Variants in SLC18B1 observed in about 807,000 individuals in gnomAD.
SLC18B1 encodes the protein solute carrier family 18 member B1.
A neutral mutation model predicts 53.9 loss-of-function variants in SLC18B1; 62 were observed. That is an observed-to-expected ratio of 1.15 (90% CI 0.94 to 1.42). SLC18B1 has a LOEUF of 1.42. SLC18B1 is among the 40% of genes most tolerant of loss of function. The pLI, the probability that SLC18B1 is intolerant of heterozygous loss-of-function variation, is 0.00. For missense variants in SLC18B1, 598 were observed against 547.3 expected, an observed-to-expected ratio of 1.09 and a Z score of -0.93; for synonymous variants, 217 against 200.9, an observed-to-expected ratio of 1.08 and a Z score of -0.68.
intron 1 of SLC18B1, 118 bp from the exon 2 acceptor site, chr6:132,797,239 C>T: frequency 1.6e-6 from 2 of 1,269,778 alleles, no homozygotes; most frequent in South Asian, 1.4e-5. Context: ...AAGCTTAGGG[C>T]TATTTTGAAT....
chr6:132,784,003 C>T lies in SLC18B1; in HGVS notation c.588G>A (p.Val196=), dbSNP rs1781304592. The T allele has an allele frequency of 6.2e-7, 1 of 1,610,904 alleles. No individual in the cohort carries two copies. The highest frequency in any genetic ancestry group is 1.3e-5 in the African/African-American group (1 of 74,682). Residue 196 remains valine, a synonymous_variant, in exon 6 of 14, where the codon GTG becomes GTA. Coordinates refer to ENST00000275227, the MANE Select transcript of SLC18B1 (RefSeq NM_052831.3). The part of the protein sequence containing the change: ...GFLYQSFGYE[V]PFIVLGCVVL... ...CGACGCATCCCAGAACAATAAAAGGCACTTCATAGCCAAAGGATTGATACA... is the reference window on the plus strand; with the variant it reads ...CGACGCATCCCAGAACAATAAAAGGTACTTCATAGCCAAAGGATTGATACA...
Position 132,770,205 on chromosome 6 carries a change from T to C in SLC18B1, c.*65A>G. ...CGCGTAAAATTTTAAAAACCCTTCC[T>C]ACGGTGATGTTTAAGGCCAGGAGCA... On this transcript the variant is annotated 3_prime_UTR_variant, in exon 14 of 14. Coordinates refer to ENST00000275227, the MANE Select transcript of SLC18B1 (RefSeq NM_052831.3). 1.5e-6 allele frequency: 2 copies of C among 1,376,222 alleles called. No homozygotes were observed. The highest frequency in any genetic ancestry group is 1.2e-5 in the South Asian group (1 of 83,658). The allele number at this position is 1,376,222 out of a possible 1,614,324, so 85.3% of individuals were successfully genotyped here.
chr6:132,774,937 A>C (rs1422507923), intron 8 of SLC18B1, among the ~76,000 whole-genome samples: 3 of 152,104 alleles, frequency 2.0e-5, no homozygotes, highest in South Asian at 2.1e-4. Flanking sequence ...CACAAAAAAA[A>C]CCCACCAAGT....
intron 4 of SLC18B1, 139 bp from the exon 5 acceptor site, chr6:132,787,720 A>G: frequency 1.4e-6 from 1 of 722,128 alleles, no homozygotes; most frequent in Non-Finnish European, 2.0e-6. Context: ...GATTTTTTTA[A>G]AAGAGTTGCT....
intron 7 of SLC18B1, among the ~76,000 whole-genome samples, chr6:132,777,060 A>G (rs113678285): frequency 0.024 from 3,717 of 152,250 alleles, 141 homozygotes; most frequent in African/African-American, 0.082. Flanking sequence ...TCTCTACTAA[A>G]AAACACAAAA....
rs1780952311 is a variant in SLC18B1, at chr6:132,770,913, T to G, written c.1281A>C (p.Leu427=). ...ISGLAMGLFY[L]LEYSRRKRSK... is the part of the protein sequence containing the mutation. ...ACCTTTTTCTCCTTGAATACTCCAGTAGATAAAACAAGCCCATGGCTAATC... is the reference window on the plus strand; with the variant it reads ...ACCTTTTTCTCCTTGAATACTCCAGGAGATAAAACAAGCCCATGGCTAATC... The change falls in exon 13 of 14, where the codon CTA becomes CTC. Residue 427 remains leucine, a synonymous_variant. Coordinates refer to ENST00000275227, the MANE Select transcript of SLC18B1 (RefSeq NM_052831.3). The G allele has an allele frequency of 6.2e-7, 1 of 1,612,310 alleles. No individual in the cohort carries two copies. Among genetic ancestry groups the G allele is most frequent in the Non-Finnish European group, 8.5e-7 (1 of 1,179,572 alleles).
chr6:132,784,953 T>G (rs1458904849), intron 5 of SLC18B1, among the ~76,000 whole-genome samples: 1 of 151,644 alleles, frequency 6.6e-6, no homozygotes, highest in Non-Finnish European at 1.5e-5. Context: ...TCATTGTTGG[T>G]GTAACCAGTG....
chr6:132,792,280 A>AAAGAAAGAAAGAAGG (rs1554223267), intron 2 of SLC18B1, among the ~76,000 whole-genome samples: 1 of 42,674 alleles, frequency 2.3e-5, no homozygotes, highest in African/African-American at 1.3e-4. Context: ...AGAAAGAAAG[A>AAAGAAAGAAAGAAGG]AAGGAAGAAA....
chr6:132,791,700 C>T (rs1001488253), intron 2 of SLC18B1, among the ~76,000 whole-genome samples: 5 of 152,134 alleles, frequency 3.3e-5, no homozygotes, highest in Non-Finnish European at 4.4e-5. Context: ...GGCTTGGGCA[C>T]GATTTAAGCC....
chr6:132,792,266 A>G (rs901195046), intron 2 of SLC18B1, among the ~76,000 whole-genome samples: 2 of 47,076 alleles, frequency 4.2e-5, no homozygotes, highest in Non-Finnish European at 8.1e-5. Flanking sequence ...AAAGAAAGAA[A>G]GAAAGAAAGA....
Position 132,790,270 on chromosome 6 carries a change from A to G in SLC18B1, c.186T>C (p.Ala62=), listed in dbSNP as rs1217050206. ...SILGPFFPKE[A]EKKGASNTII... ...TTGTATTGCTGGCTCCCTTCTTTTC[A>G]GCCTTTAAGTAATAGAAACGGAAAC... The change falls in exon 3 of 14, where the codon GCT becomes GCC. Residue 62 remains alanine (A), a splice_region_variant and synonymous_variant. Coordinates refer to ENST00000275227, the MANE Select transcript of SLC18B1 (RefSeq NM_052831.3). The G allele has an allele frequency of 6.5e-7, 1 of 1,543,698 alleles. No individual in the cohort carries two copies. Among genetic ancestry groups the G allele is most frequent in the Non-Finnish European group, 8.7e-7 (1 of 1,144,116 alleles).
At chr6:132,772,448 C>T (rs1781001574) in intron 10 of SLC18B1, among the ~76,000 whole-genome samples, 1 of 152,074 alleles carries the variant, frequency 6.6e-6, no homozygotes, top group African/African-American at 2.4e-5. Context: ...AAGCATGGCT[C>T]ATTTGCATTA....
intron 7 of SLC18B1, among the ~76,000 whole-genome samples, chr6:132,777,658 G>A (rs1374106070): frequency 6.6e-6 from 1 of 152,204 alleles, no homozygotes; most frequent in Admixed American, 6.5e-5. Flanking sequence ...AGGTTGCAGT[G>A]AGCCGAGATC....
rs1780921801 is a variant in SLC18B1 at position 132,769,710 on chromosome 6, G to C, written c.*560C>G. 6.6e-6 allele frequency: 1 copy of C among 152,296 alleles called. No individual in the cohort carries two copies. The highest frequency in any genetic ancestry group is 2.4e-5 in the African/African-American group (1 of 41,466). The allele number at this position is 152,296 out of a possible 1,614,324, so 9.4% of individuals were successfully genotyped here. A position where few individuals can be genotyped will look rare whatever the true frequency, so the allele number is the denominator to read the frequency against. On this transcript the variant is annotated 3_prime_UTR_variant, in exon 14 of 14. Transcript: ENST00000275227. ...TTTTAGAAAAGCTTAAGGTCAGGGA[G>C]TGCTAGAGAGTTTCTGTATGGCAGG...
chr6:132,777,697 G>C (rs1197376951), intron 7 of SLC18B1, among the ~76,000 whole-genome samples: 1 of 152,212 alleles, frequency 6.6e-6, no homozygotes, highest in African/African-American at 2.4e-5. Flanking sequence ...CTGGGCAACA[G>C]AGCAAGGCTC....
At chr6:132,778,891 T>C (rs866441496) in intron 7 of SLC18B1, among the ~76,000 whole-genome samples, 3 of 152,212 alleles carry the variant, frequency 2.0e-5, no homozygotes, top group South Asian at 4.1e-4. Flanking sequence ...GGATCTGTTA[T>C]AGAAGAAGCA....
At chr6:132,793,926 A>C (rs1371285404) in intron 2 of SLC18B1, among the ~76,000 whole-genome samples, 2 of 152,056 alleles carry the variant, frequency 1.3e-5, no homozygotes, top group Non-Finnish European at 2.9e-5. Flanking sequence ...CTCAATCAAA[A>C]ACTTAAAAAG....
At chr6:132,797,564 CT>C (rs1236060980) in intron 1 of SLC18B1, among the ~76,000 whole-genome samples, 2 of 152,176 alleles carry the variant, frequency 1.3e-5, no homozygotes, top group Admixed American at 6.5e-5. Context: ...CACCACTGCA[CT>C]CCAGCCTGGG....
chr6:132,785,100 G>A (rs1008867672), intron 5 of SLC18B1, among the ~76,000 whole-genome samples: 2 of 149,428 alleles, frequency 1.3e-5, no homozygotes, highest in Non-Finnish European at 3.0e-5. Flanking sequence ...TCTTGTTCTC[G>A]TGCTCTCTCT....
Sources: allele counts gnomAD v4.1 joint callset (sites outside exome capture counted in the v4.1 genomes callset), GRCh38; gene constraint gnomAD v4.1.1; transcripts MANE v1.5; gene names NCBI Gene and HGNC (gene_info 2026-07-23, HGNC 2026-07-21).